The following TBC1D22A variants were observed in gnomAD, a reference collection of about 807,000 sequenced individuals.
TBC1D22A encodes the protein TBC1 domain family member 22A.
In TBC1D22A, 38 loss-of-function variants were observed where a neutral mutation model predicts 60.2. That is an observed-to-expected ratio of 0.63 (90% CI 0.49 to 0.83). TBC1D22A has a LOEUF of 0.83. TBC1D22A is among the 40% of genes least tolerant of loss of function. The pLI is 0.00. For missense variants in TBC1D22A, 628 were observed against 701.0 expected, an observed-to-expected ratio of 0.90 and a Z score of 1.18; for synonymous variants, 302 against 281.7, an observed-to-expected ratio of 1.07 and a Z score of -0.72.
intron 1 of TBC1D22A, among the ~76,000 whole-genome samples, chr22:46,766,885 T>G (rs1297218748): frequency 6.6e-6 from 1 of 152,172 alleles, no homozygotes; most frequent in Non-Finnish European, 1.5e-5. Flanking sequence ...CTTTTTTGCA[T>G]CAAACTCAGT....
At chr22:46,826,020 C>T (rs1340996521) in intron 4 of TBC1D22A, among the ~76,000 whole-genome samples, 1 of 151,278 alleles carries the variant, frequency 6.6e-6, no homozygotes, top group Non-Finnish European at 1.5e-5. Flanking sequence ...GTAGCTGGGA[C>T]TGCAGGTGCC....
chr22:47,128,054 C>A (rs2066536686), intron 12 of TBC1D22A, among the ~76,000 whole-genome samples: 1 of 67,724 alleles, frequency 1.5e-5, no homozygotes, highest in African/African-American at 6.8e-5. Flanking sequence ...CTCCGCCCAA[C>A]CCATCCCCCC....
chr22:46,918,073 C>G (rs138594254), intron 8 of TBC1D22A, among the ~76,000 whole-genome samples: 3 of 152,190 alleles, frequency 2.0e-5, no homozygotes, highest in Non-Finnish European at 2.9e-5. Context: ...CGTAATGGCA[C>G]CAGTCCCTTG....
intron 9 of TBC1D22A, among the ~76,000 whole-genome samples, chr22:46,978,767 C>T (rs773226242): frequency 1.6e-4 from 24 of 152,102 alleles, no homozygotes; most frequent in Non-Finnish European, 2.9e-4. Flanking sequence ...CGCCACCATG[C>T]CCGGGTAATT....
rs998814203 is a variant in TBC1D22A, at chr22:46,777,844, G to T, written c.63-14676G>T. Among the ~76,000 whole-genome samples, 1 of 152,208 alleles carries T rather than the reference G, an allele frequency of 6.6e-6. No homozygotes were observed. Among genetic ancestry groups the T allele is most frequent in the African/African-American group, 2.4e-5 (1 of 41,440 alleles). ...CGCCTTCTGAGACATGTGTCCTTAG[G>T]TGATTTGGTCCCTGTGTGAACATCA... is the stretch of plus-strand genomic sequence containing the variant. On this transcript the variant is annotated intron_variant, in intron 1 of 12. Coordinates refer to ENST00000337137, the MANE Select transcript of TBC1D22A (RefSeq NM_014346.5). This position sits in a 1 kb window ranked among gnomAD's most constrained non-coding sequence, Gnocchi z 4.5.
intron 8 of TBC1D22A, among the ~76,000 whole-genome samples, chr22:46,956,286 T>A (rs1339487370): frequency 6.6e-6 from 1 of 152,076 alleles, no homozygotes; most frequent in East Asian, 1.9e-4. Flanking sequence ...GATGTCCTAA[T>A]AAGAAGAAGA....
chr22:46,841,625 A>G (rs2086774791), intron 4 of TBC1D22A, among the ~76,000 whole-genome samples: 1 of 152,216 alleles, frequency 6.6e-6, no homozygotes, highest in Non-Finnish European at 1.5e-5. Context: ...TTATATGTGG[A>G]ATCCAAAAAA....
intron 7 of TBC1D22A, among the ~76,000 whole-genome samples, chr22:46,901,713 G>A (rs1045028989): frequency 6.6e-6 from 1 of 152,150 alleles, no homozygotes; most frequent in African/African-American, 2.4e-5. Flanking sequence ...TCACATGGGG[G>A]GGGGATGTTC....
chr22:47,025,901 C>G (rs1308900187), intron 10 of TBC1D22A, among the ~76,000 whole-genome samples: 13 of 152,058 alleles, frequency 8.5e-5, no homozygotes, highest in African/African-American at 3.1e-4. Flanking sequence ...ACGTATAGTG[C>G]TGAGTGTGTG....
intron 4 of TBC1D22A, among the ~76,000 whole-genome samples, chr22:46,866,394 C>T (rs1264015373): frequency 1.3e-5 from 2 of 152,156 alleles, no homozygotes; most frequent in South Asian, 4.1e-4. Flanking sequence ...TGTGAGCCAC[C>T]ACTCCCGACC....
chr22:46,972,849 C>T (rs1471243763), intron 8 of TBC1D22A, among the ~76,000 whole-genome samples: 1 of 152,198 alleles, frequency 6.6e-6, no homozygotes, highest in Non-Finnish European at 1.5e-5. Flanking sequence ...GGTCCACCCC[C>T]AGCACCCCAG....
chr22:46,868,768 C>T (rs1039316682), intron 4 of TBC1D22A, among the ~76,000 whole-genome samples: 1 of 152,222 alleles, frequency 6.6e-6, no homozygotes, highest in African/African-American at 2.4e-5. Context: ...TCTTCCTCTT[C>T]TCCTTCCCCA....
intron 12 of TBC1D22A, among the ~76,000 whole-genome samples, chr22:47,130,714 C>T (rs1301442453): frequency 6.6e-6 from 1 of 152,208 alleles, no homozygotes; most frequent in Admixed American, 6.5e-5. Context: ...CTGCGGTCTG[C>T]AAAACTCAAG....
chr22:47,095,091 G>A lies in TBC1D22A; in HGVS notation c.1330-16417G>A, dbSNP rs16996359. Among the ~76,000 whole-genome samples, 1,113 of 152,358 alleles carry A rather than the reference G, an allele frequency of 7.3e-3. 14 individuals are homozygous for A. The highest frequency in any genetic ancestry group is 0.025 in the African/African-American group (1,034 of 41,572). ...TACTACAGCCCATGCCGTAAACGTG[G>A]GGATGTTGGCGTGAATTTTAAAATG... is the stretch of plus-strand genomic sequence containing the variant. On this transcript the variant is annotated intron_variant, in intron 11 of 12. Transcript: ENST00000337137.
chr22:46,772,115 A>T (rs2083502903), intron 1 of TBC1D22A, among the ~76,000 whole-genome samples: 1 of 95,118 alleles, frequency 1.1e-5, no homozygotes, highest in Non-Finnish European at 2.1e-5. Flanking sequence ...ATATATATGT[A>T]TACACACATA....
In TBC1D22A at chr22:46,990,845, G is replaced by A. The variant is rs370097812; in HGVS notation, c.1126-6789G>A. On this transcript the variant is annotated intron_variant, in intron 9 of 12. Transcript: ENST00000337137. The surrounding 1 kb of genome is among the most constrained non-coding windows in gnomAD (Gnocchi z 4.6). Reference sequence around the variant, plus strand: ...TCGTGACGGCTCTGCTCCTCGCCGTGTGCGTCTGGAAGTGACCATGGATGG... The same window carrying A: ...TCGTGACGGCTCTGCTCCTCGCCGTATGCGTCTGGAAGTGACCATGGATGG... Among the ~76,000 whole-genome samples, 5 of 152,218 alleles carry A rather than the reference G, an allele frequency of 3.3e-5. No individual in the cohort carries two copies. The highest frequency in any genetic ancestry group is 1.2e-4 in the African/African-American group (5 of 41,450).
Position 46,797,516 on chromosome 22 carries a change from G to A in TBC1D22A, c.533G>A (p.Gly178Asp), listed in dbSNP as rs1170571861. 6.2e-7 allele frequency: 1 copy of A among 1,613,918 alleles called. No homozygotes were observed. Among genetic ancestry groups the A allele is most frequent in the Non-Finnish European group, 8.5e-7 (1 of 1,180,022 alleles). Residue 178 changes from glycine (G) to aspartate (D), a missense_variant, in exon 4 of 13, where the codon GGC (glycine) becomes GAC (aspartate). Coordinates refer to ENST00000337137, the MANE Select transcript of TBC1D22A (RefSeq NM_014346.5). ...CACTCGGCCACCGTCACGCTGGGTGGCACATCTGACCCCAGCACTCTCAGC... is the reference window on the plus strand; with the variant it reads ...CACTCGGCCACCGTCACGCTGGGTGACACATCTGACCCCAGCACTCTCAGC... ...LPHSATVTLG[G>D]TSDPSTLSSS...
chr22:47,075,320 G>C (rs2064162462), intron 11 of TBC1D22A, among the ~76,000 whole-genome samples: 1 of 151,960 alleles, frequency 6.6e-6, no homozygotes, highest in Admixed American at 6.6e-5. Context: ...GGCTTTGTAG[G>C]GTGCTGAGCT....
At position 46,784,513 on chromosome 22, in the gene TBC1D22A, A is replaced by C. The variant is rs545000991; in HGVS notation, c.63-8007A>C. On this transcript the variant is annotated intron_variant, in intron 1 of 12. Transcript: ENST00000337137. The stretch of plus-strand genomic sequence containing the variant: ...AAAAGTGCAATTTTGATTAGATAAA[A>C]TGGGGTTCCTTTAGTCTCAGTTGAA... Among the ~76,000 whole-genome samples the C allele has an allele frequency of 2.0e-4, 30 of 152,390 alleles. No individual in the cohort carries two copies. The East Asian group carries it at 5.8e-3, about 29-fold the overall frequency.
Sources: gnomAD v4.1 joint callset for allele counts (sites outside exome capture counted in the v4.1 genomes callset) on GRCh38, gnomAD v4.1.1 for gene constraint, Gnocchi (gnomAD v3.1) non-coding constraint, MANE v1.5 for transcripts, NCBI Gene and HGNC (gene_info 2026-07-23, HGNC 2026-07-21) for gene names.